The following CLASP2 variants were observed in gnomAD, a reference collection of about 807,000 sequenced individuals.
The protein encoded by CLASP2 is CLIP-associating protein 2.
A neutral mutation model predicts 194.4 loss-of-function variants in CLASP2; 47 were observed. That is an observed-to-expected ratio of 0.24 (90% CI 0.19 to 0.31). CLASP2 has a LOEUF of 0.31. CLASP2 is among the 10% of genes least tolerant of loss of function. The pLI is 1.00. For synonymous variants in CLASP2, 619 were observed against 633.5 expected (o/e 0.98, Z 0.34); for missense variants, 1,445 against 1,823.6 (o/e 0.79, Z 3.78).
intron 25 of CLASP2, 115 bp downstream of exon 25, chr3:33,572,995 A>G: frequency 8.5e-7 from 1 of 1,173,134 alleles, no homozygotes; most frequent in African/African-American, 1.5e-5. Context: ...AAGCAACCAT[A>G]TGAATTCAGG....
At chr3:33,595,008 C>T (rs2069856069) in intron 19 of CLASP2, 40 bp from the exon 20 acceptor site, 1 of 1,367,472 alleles carries the variant, frequency 7.3e-7, no homozygotes, top group South Asian at 1.6e-5. Context: ...ACAAATTCTG[C>T]CAATGTTGAT....
At chr3:33,506,230 C>T (rs939361376) in intron 37 of CLASP2, among the ~76,000 whole-genome samples, 5 of 151,352 alleles carry the variant, frequency 3.3e-5, no homozygotes, top group Non-Finnish European at 5.9e-5. Context: ...AAAAATTAGC[C>T]GGGCACGGTG....
At chr3:33,639,637 T>G (rs901349297) in intron 8 of CLASP2, among the ~76,000 whole-genome samples, 1 of 152,286 alleles carries the variant, frequency 6.6e-6, no homozygotes, top group East Asian at 1.9e-4. Context: ...CAACTTACTA[T>G]TTTATAGTTA....
At position 33,498,469 on chromosome 3, in the gene CLASP2, T is replaced by C. The variant is rs551078785; in HGVS notation, c.*162A>G. On this transcript the variant is annotated 3_prime_UTR_variant, in exon 39 of 39. Transcript: ENST00000682230. ...ATAAAAGTTACATGCAGACTGAGGA[T>C]AGTCCTCTGTTACAGAAAATACAAA... 25 of 510,388 alleles carry C rather than the reference T, an allele frequency of 4.9e-5. No homozygotes were observed. In the East Asian group the frequency reaches 6.6e-4, roughly 14 times the overall value. The allele number at this position is 510,388 out of a possible 1,614,324, so 31.6% of individuals were successfully genotyped here.
intron 25 of CLASP2, among the ~76,000 whole-genome samples, 170 bp downstream of exon 25, chr3:33,572,940 A>T (rs1187511041): frequency 1.3e-5 from 2 of 149,710 alleles, no homozygotes; most frequent in African/African-American, 2.5e-5. Context: ...TAGTAATGAA[A>T]GTATAGATGG....
At chr3:33,691,716 A>G (rs1164923964) in intron 2 of CLASP2, among the ~76,000 whole-genome samples, 13 of 152,222 alleles carry the variant, frequency 8.5e-5, no homozygotes, top group Admixed American at 8.5e-4. Flanking sequence ...AACACTTAAC[A>G]AATGTTAGAT....
chr3:33,695,477 T>C lies in CLASP2; in HGVS notation c.274+1378A>G, dbSNP rs373611943. 6.1e-4 allele frequency among the ~76,000 whole-genome samples: 92 copies of C among 151,832 alleles called. 1 individual carries two copies. The South Asian group carries it at 0.018, about 29-fold the overall frequency. On this transcript the variant is annotated intron_variant, in intron 2 of 38. Transcript: ENST00000682230. ...GTTGATTAAAACTAAATAATAAAGA[T>C]AGGAAACCCCATCAGATGCTTCTGT...
intron 34 of CLASP2, among the ~76,000 whole-genome samples, chr3:33,525,079 TCTC>T (rs2054158842): frequency 6.6e-6 from 1 of 152,062 alleles, no homozygotes; most frequent in Non-Finnish European, 1.5e-5. Context: ...CATAGTATCT[TCTC>T]CCACCACATG....
intron 18 of CLASP2, chr3:33,602,377 C>A (rs1202831282): frequency 6.0e-5 from 37 of 611,600 alleles, no homozygotes; most frequent in Non-Finnish European, 8.7e-6. Context: ...TGTGTTCTGG[C>A]GATCTGCCTG....
intron 6 of CLASP2, among the ~76,000 whole-genome samples, chr3:33,679,489 G>C (rs2089426241): frequency 6.6e-6 from 1 of 152,156 alleles, no homozygotes; most frequent in South Asian, 2.1e-4. Context: ...AGACACATCT[G>C]TTAAAGGACT....
At position 33,696,879 on chromosome 3, in the gene CLASP2, G is replaced by T; in HGVS notation, c.250C>A (p.Arg84Ser). The change falls in exon 2 of 39, where the codon CGC becomes AGC. Residue 84 changes from arginine to serine, a missense_variant. Around this residue, in one of 4 missense-constraint regions of CLASP2, gnomAD observed 332 missense variants for 325.3 expected, o/e 1.02. Coordinates refer to ENST00000682230, the MANE Select transcript of CLASP2 (RefSeq NM_001365631.1). ...CCCATTGCTACATAGGATTTAAAGCGTGTTGATAATCTGTCCACAAAGGCA... is the reference window on the plus strand; with the variant it reads ...CCCATTGCTACATAGGATTTAAAGCTTGTTGATAATCTGTCCACAAAGGCA... Reference protein sequence around the residue: ...LSAFVDRLSTRFKSYVAMVIV... With the variant: ...LSAFVDRLSTSFKSYVAMVIV... 1 of 1,594,192 alleles carries T rather than the reference G, an allele frequency of 6.3e-7. No individual in the cohort carries two copies. Among genetic ancestry groups the T allele is most frequent in the Non-Finnish European group, 8.6e-7 (1 of 1,168,092 alleles).
At chr3:33,594,605 A>T (rs1371223067) in intron 20 of CLASP2, among the ~76,000 whole-genome samples, 3 of 151,882 alleles carry the variant, frequency 2.0e-5, no homozygotes, top group East Asian at 3.8e-4. Context: ...TGGCATAAAT[A>T]AAAAAACAAA....
At chr3:33,659,251 C>T (rs2084873102) in intron 7 of CLASP2, 8 of 1,268,422 alleles carry the variant, frequency 6.3e-6, no homozygotes, top group Non-Finnish European at 7.9e-6. Flanking sequence ...TTTAGCTGCA[C>T]ATATGCTGTT....
In CLASP2 at chr3:33,529,538, A is replaced by T. The variant is rs185715908; in HGVS notation, c.3787+5695T>A. 1.5e-3 allele frequency among the ~76,000 whole-genome samples: 231 copies of T among 152,284 alleles called. 1 individual carries two copies. The highest frequency in any genetic ancestry group is 0.014 in the Middle Eastern group (4 of 294). Reference sequence around the variant, plus strand: ...ACTGCAAATCTGTGAGCCATTTTACATTCATATTTGAGGAGCCATCTTCTA... The same window carrying T: ...ACTGCAAATCTGTGAGCCATTTTACTTTCATATTTGAGGAGCCATCTTCTA... On this transcript the variant is annotated intron_variant, in intron 34 of 38. Transcript: ENST00000682230.
Position 33,689,849 on chromosome 3 carries a change from C to A in CLASP2, c.358G>T (p.Asp120Tyr). 6.3e-7 allele frequency: 1 copy of A among 1,591,626 alleles called. No individual in the cohort carries two copies. The highest frequency in any genetic ancestry group is 8.5e-7 in the Non-Finnish European group (1 of 1,169,698). The change falls in exon 3 of 39, where the codon GAT (aspartate) becomes TAT (tyrosine). Residue 120 changes from aspartate (D) to tyrosine (Y), a missense_variant. Physicochemically the swap from Asp to Tyr is radical, Grantham distance 160. Coordinates refer to ENST00000682230, the MANE Select transcript of CLASP2 (RefSeq NM_001365631.1). ...CTTACCATAGGTGGTGCTACTTGAT[C>A]CATTAACTTCAATATCAGAGTCTGA... is the stretch of plus-strand genomic sequence containing the variant. ...EAQTLILKLMDQVAPPMYIWE... is the reference protein window; with the variant it reads ...EAQTLILKLMYQVAPPMYIWE...
intron 32 of CLASP2, among the ~76,000 whole-genome samples, chr3:33,541,203 G>A (rs1576158503): frequency 6.6e-6 from 1 of 152,114 alleles, no homozygotes; most frequent in Non-Finnish European, 1.5e-5. Flanking sequence ...TATGTGCACT[G>A]TAGCACTATT....
chr3:33,629,671 A>G (rs1433853408), intron 9 of CLASP2, among the ~76,000 whole-genome samples: 2 of 152,162 alleles, frequency 1.3e-5, no homozygotes, highest in African/African-American at 4.8e-5. Context: ...CATGAGCCCT[A>G]ACATGTGACT....
chr3:33,600,952 G>GATT (rs2071936526), intron 18 of CLASP2, among the ~76,000 whole-genome samples: 1 of 137,746 alleles, frequency 7.3e-6, no homozygotes. Context: ...GCTTGATAAG[G>GATT]CTTTTTTTTT....
chr3:33,581,875 C>T lies in CLASP2; in HGVS notation c.2293G>A (p.Ala765Thr), dbSNP rs1419554254. 1.2e-6 allele frequency: 2 copies of T among 1,613,684 alleles called. No individual in the cohort carries two copies. The highest frequency in any genetic ancestry group is 2.7e-5 in the African/African-American group (2 of 74,924). The change falls in exon 23 of 39, where the codon GCT (alanine) becomes ACT (threonine). Residue 765 changes from alanine to threonine, a missense_variant. Coordinates refer to ENST00000682230, the MANE Select transcript of CLASP2 (RefSeq NM_001365631.1). The stretch of plus-strand genomic sequence containing the variant: ...GTGTCTCTGCTGCTCTCCCGACTAG[C>T]TTCCCGGCTGCATCCTTGACTCACA... ...PSVSQGCSRE[A>T]SRESSRDTSP...
Sources: allele counts gnomAD v4.1 joint callset (sites outside exome capture counted in the v4.1 genomes callset), GRCh38; gene constraint gnomAD v4.1.1; regional missense constraint gnomAD v4.1.1; transcripts MANE v1.5; gene names NCBI Gene and HGNC (gene_info 2026-07-23, HGNC 2026-07-21).